AMOTL1: variants seen among roughly 807,000 people sequenced by gnomAD.
AMOTL1 encodes angiomotin like 1.
A neutral mutation model predicts 102.9 loss-of-function variants in AMOTL1; 45 were observed. The observed-to-expected ratio is 0.44, with a 90% confidence interval of 0.34 to 0.56. AMOTL1 has a LOEUF of 0.56. AMOTL1 is among the 20% of genes least tolerant of loss of function. The probability of loss-of-function intolerance (pLI) is 0.01; values close to 1 mark genes in which losing one functional copy is unlikely to be tolerated. For missense variants in AMOTL1, 1,114 were observed against 1,225.6 expected, an observed-to-expected ratio of 0.91 and a Z score of 1.36; for synonymous variants, 481 against 484.7, an observed-to-expected ratio of 0.99 and a Z score of 0.10.
intron 2 of AMOTL1, among the ~76,000 whole-genome samples, chr11:94,739,294 C>G (rs1449382914): frequency 1.3e-5 from 2 of 152,146 alleles, no homozygotes; most frequent in African/African-American, 2.4e-5. Flanking sequence ...GTGATGAGTG[C>G]AAACCCTCAC....
At chr11:94,720,696 GACA>G (rs1950162404) in intron 1 of AMOTL1, among the ~76,000 whole-genome samples, 1 of 152,000 alleles carries the variant, frequency 6.6e-6, no homozygotes, top group Non-Finnish European at 1.5e-5. Context: ...CTATATTCCT[GACA>G]GGGCATCTGA....
chr11:94,740,969 C>G (rs1035368407), exon 3 of AMOTL1: 8 of 1,288,948 alleles, frequency 6.2e-6, no homozygotes, highest in Non-Finnish European at 7.1e-6. Flanking sequence ...CGCCCGCATC[C>G]TACAGCCCAG....
chr11:94,792,766 G>A (rs758569556), intron 1 of AMOTL1, among the ~76,000 whole-genome samples: 20 of 152,174 alleles, frequency 1.3e-4, no homozygotes, highest in Non-Finnish European at 1.2e-4. Context: ...GTGTGTGTGG[G>A]GGTGTGTGAA....
At chr11:94,826,154 A>G (rs1218670010) in intron 4 of AMOTL1, among the ~76,000 whole-genome samples, 1 of 152,132 alleles carries the variant, frequency 6.6e-6, no homozygotes, top group Non-Finnish European at 1.5e-5. Context: ...TTACCCAGCC[A>G]TGGTGATGCA....
chr11:94,839,296 T>C (rs555110943), intron 6 of AMOTL1, among the ~76,000 whole-genome samples: 21 of 152,376 alleles, frequency 1.4e-4, no homozygotes, highest in African/African-American at 4.8e-4. Flanking sequence ...TGAACACTAA[T>C]TGAGCACTTA....
chr11:94,741,106 G>A, intron 3 of AMOTL1: 1 of 855,560 alleles, frequency 1.2e-6, no homozygotes, highest in Non-Finnish European at 1.7e-6. Flanking sequence ...AGGGCGGAGG[G>A]AAAGGGTCAG....
chr11:94,753,304 T>C (rs1371620944), intron 3 of AMOTL1, among the ~76,000 whole-genome samples: 1 of 141,010 alleles, frequency 7.1e-6, no homozygotes, highest in East Asian at 2.2e-4. Context: ...ACTGCTTTCC[T>C]GCTTTTTTTT....
In AMOTL1 at chr11:94,801,531, G is replaced by T. The variant is rs758322790; in HGVS notation, c.1121+1220G>T. Among the ~76,000 whole-genome samples, 51 of 152,186 alleles carry T rather than the reference G, an allele frequency of 3.4e-4. 1 individual carries two copies. The highest frequency in any genetic ancestry group is 1.5e-4 in the Non-Finnish European group (10 of 68,038). On this transcript the variant is annotated intron_variant, in intron 3 of 12. Coordinates refer to ENST00000433060, the MANE Select transcript of AMOTL1 (RefSeq NM_130847.3). ...TGTCTAACAGCTGATTTTGGTGGCAGTGCATGAATTAGAGGAAAGGGAGCC... is the reference window on the plus strand; with the variant it reads ...TGTCTAACAGCTGATTTTGGTGGCATTGCATGAATTAGAGGAAAGGGAGCC...
intron 1 of AMOTL1, among the ~76,000 whole-genome samples, chr11:94,718,554 T>C (rs1030066680): frequency 6.6e-6 from 1 of 152,042 alleles, no homozygotes; most frequent in Non-Finnish European, 1.5e-5. Context: ...TTAGAGAATA[T>C]CTGTTTCTTC....
intron 12 of AMOTL1, among the ~76,000 whole-genome samples, chr11:94,869,868 T>C (rs1952960521): frequency 6.6e-6 from 1 of 152,196 alleles, no homozygotes; most frequent in Non-Finnish European, 1.5e-5. Context: ...TTACCAGGGA[T>C]TCTGGCCTCA....
chr11:94,781,820 C>T (rs963982913), intron 1 of AMOTL1, among the ~76,000 whole-genome samples: 2 of 149,910 alleles, frequency 1.3e-5, no homozygotes, highest in African/African-American at 2.5e-5. Flanking sequence ...GGTGACATAG[C>T]GAGACTCCGT....
intron 6 of AMOTL1, among the ~76,000 whole-genome samples, chr11:94,846,160 C>A (rs1250697391): frequency 2.0e-5 from 3 of 152,164 alleles, no homozygotes; most frequent in African/African-American, 4.8e-5. Flanking sequence ...CCTTGATACC[C>A]CATCTTCCTC....
chr11:94,767,225 G>T (rs1049164974), upstream of AMOTL1, among the ~76,000 whole-genome samples: 1 of 152,160 alleles, frequency 6.6e-6, no homozygotes, highest in African/African-American at 2.4e-5. Flanking sequence ...AGTTTCTTTT[G>T]TGTGTACCAG....
At chr11:94,823,075 T>C (rs2135635362) in intron 4 of AMOTL1, among the ~76,000 whole-genome samples, 1 of 152,366 alleles carries the variant, frequency 6.6e-6, no homozygotes, top group Non-Finnish European at 1.5e-5. Context: ...TTAGTGTTAG[T>C]GTTCATGAGT....
chr11:94,793,282 C>A (rs910093021), intron 1 of AMOTL1, among the ~76,000 whole-genome samples: 1 of 152,122 alleles, frequency 6.6e-6, no homozygotes, highest in African/African-American at 2.4e-5. Context: ...CTCTCTTACT[C>A]TGATTTGGTA....
intron 2 of AMOTL1, among the ~76,000 whole-genome samples, chr11:94,738,765 G>T (rs942376903): frequency 6.6e-6 from 1 of 152,138 alleles, no homozygotes; most frequent in African/African-American, 2.4e-5. Context: ...GAGAGTGAGG[G>T]GCAGAGAAAA....
intron 3 of AMOTL1, among the ~76,000 whole-genome samples, chr11:94,808,965 CTTTT>C (rs199619372): frequency 2.7e-5 from 3 of 111,894 alleles, no homozygotes; most frequent in Non-Finnish European, 3.7e-5. Flanking sequence ...TTCTTTCTTT[CTTTT>C]TTTTTTTTTT....
chr11:94,801,094 C>T (rs992141628), intron 3 of AMOTL1, among the ~76,000 whole-genome samples: 5 of 152,020 alleles, frequency 3.3e-5, no homozygotes, highest in Admixed American at 6.6e-5. Flanking sequence ...AGAAATGGGC[C>T]GAGGATGCTA....
intron 3 of AMOTL1, among the ~76,000 whole-genome samples, chr11:94,745,197 C>A (rs1395452944): frequency 6.6e-6 from 1 of 150,458 alleles, no homozygotes; most frequent in Non-Finnish European, 1.5e-5. Flanking sequence ...TGCTATCCCT[C>A]CCCCATCCCC....
Sources: allele counts gnomAD v4.1 joint callset (sites outside exome capture counted in the v4.1 genomes callset), GRCh38; gene constraint gnomAD v4.1.1; transcripts MANE v1.5; gene names NCBI Gene and HGNC (gene_info 2026-07-23, HGNC 2026-07-21).